DGLUCY: variants seen among roughly 807,000 people sequenced by gnomAD.
The protein encoded by DGLUCY is D-glutamate cyclase, mitochondrial.
DGLUCY carries 58 observed loss-of-function variants against 58.5 expected under a neutral mutation model. The observed-to-expected ratio is 0.99, with a 90% CI of 0.80 to 1.23. The LOEUF is 1.23. Among genes scored for constraint, DGLUCY ranks in the 50% most tolerant of loss-of-function variants. The probability of loss-of-function intolerance (pLI) is 0.00; values close to 1 mark genes in which losing one functional copy is unlikely to be tolerated. For missense variants in DGLUCY, 779 were observed against 784.7 expected (o/e 0.99, Z 0.09); for synonymous variants, 325 against 314.1 (o/e 1.03, Z -0.37).
At chr14:91,209,437 G>A (rs1053863275) in intron 12 of DGLUCY, among the ~76,000 whole-genome samples, 5 of 151,164 alleles carry the variant, frequency 3.3e-5, no homozygotes, top group Non-Finnish European at 5.9e-5. Flanking sequence ...GGCCGCGTGC[G>A]GTGGCTCACG....
intron 1 of DGLUCY, among the ~76,000 whole-genome samples, chr14:91,121,609 A>AAAT (rs55743510): frequency 0.047 from 6,703 of 142,714 alleles, 358 homozygotes; most frequent in African/African-American, 0.13. Flanking sequence ...TCCATCTCAA[A>AAAT]AATAATAATA....
At chr14:91,082,220 G>A (rs540163030) in intron 1 of DGLUCY, among the ~76,000 whole-genome samples, 1 of 152,300 alleles carries the variant, frequency 6.6e-6, no homozygotes, top group African/African-American at 2.4e-5. Flanking sequence ...TTGACTGCAT[G>A]CAACACCCTT....
chr14:91,118,508 A>G (rs1048098171), intron 1 of DGLUCY, among the ~76,000 whole-genome samples: 1 of 152,148 alleles, frequency 6.6e-6, no homozygotes, highest in African/African-American at 2.4e-5. Context: ...TGGTGAAGAA[A>G]CATATTTGGG....
intron 5 of DGLUCY, among the ~76,000 whole-genome samples, chr14:91,172,945 C>T (rs776455663): frequency 2.0e-5 from 3 of 152,154 alleles, no homozygotes; most frequent in Non-Finnish European, 4.4e-5. Flanking sequence ...TGTCTGGCCA[C>T]ATTTTTCTAT....
chr14:91,130,109 TGG>T, intron 1 of DGLUCY, among the ~76,000 whole-genome samples: 1 of 152,340 alleles, frequency 6.6e-6, no homozygotes, highest in South Asian at 2.1e-4. Context: ...TTCCACTCTA[TGG>T]GATAATGCTA....
At chr14:91,155,487 A>G (rs760380282) in intron 1 of DGLUCY, among the ~76,000 whole-genome samples, 2 of 152,222 alleles carry the variant, frequency 1.3e-5, no homozygotes, top group African/African-American at 2.4e-5. Flanking sequence ...ACGTGTTTTT[A>G]TAGGCTAGAG....
intron 1 of DGLUCY, among the ~76,000 whole-genome samples, chr14:91,090,602 A>G (rs1195489214): frequency 6.6e-6 from 1 of 152,172 alleles, no homozygotes; most frequent in Non-Finnish European, 1.5e-5. Context: ...TTAGCAAACT[A>G]AGAGCCACTA....
intron 1 of DGLUCY, among the ~76,000 whole-genome samples, chr14:91,120,178 G>A (rs1351245749): frequency 2.0e-5 from 3 of 152,050 alleles, no homozygotes; most frequent in Non-Finnish European, 4.4e-5. Flanking sequence ...CCTCAGCCAC[G>A]CAAAAGCTGA....
At chr14:91,152,830 G>A (rs1381409884) in intron 1 of DGLUCY, among the ~76,000 whole-genome samples, 1 of 152,174 alleles carries the variant, frequency 6.6e-6, no homozygotes, top group Non-Finnish European at 1.5e-5. Context: ...TAAATAATAG[G>A]ATCTTCTTGA....
intron 9 of DGLUCY, among the ~76,000 whole-genome samples, chr14:91,195,892 A>G (rs953412222): frequency 6.6e-6 from 1 of 151,940 alleles, no homozygotes; most frequent in Non-Finnish European, 1.5e-5. Context: ...GGATGGTCTC[A>G]ATCTCCTGAC....
chr14:91,068,073 GCGCACGCACACA>G (rs1166892189), intron 1 of DGLUCY, among the ~76,000 whole-genome samples: 4 of 59,058 alleles, frequency 6.8e-5, no homozygotes, highest in African/African-American at 2.8e-4. Flanking sequence ...ACACACACAC[GCGCACGCACACA>G]CACACACACA....
intron 1 of DGLUCY, among the ~76,000 whole-genome samples, chr14:91,157,231 GTGGATGGA>G (rs1196165761): frequency 8.4e-5 from 8 of 94,856 alleles, no homozygotes; most frequent in African/African-American, 3.3e-4. Context: ...GGATGGATGG[GTGGATGGA>G]TGGATGGATG....
chr14:91,145,244 T>C (rs1156851667), intron 1 of DGLUCY: 1 of 152,212 alleles, frequency 6.6e-6, no homozygotes, highest in East Asian at 1.9e-4. Flanking sequence ...GGCAAGTGAC[T>C]TGTCCAGAGC....
chr14:91,191,907 G>T (rs1013597502), intron 9 of DGLUCY, among the ~76,000 whole-genome samples: 1 of 152,118 alleles, frequency 6.6e-6, no homozygotes, highest in Non-Finnish European at 1.5e-5. Context: ...TGACATTTGC[G>T]CCCTGATGGA....
intron 13 of DGLUCY, among the ~76,000 whole-genome samples, chr14:91,217,771 A>C (rs1437048262): frequency 6.6e-6 from 1 of 151,996 alleles, no homozygotes; most frequent in Non-Finnish European, 1.5e-5. Context: ...TCCAGGCGTG[A>C]GCCACCACGC....
chr14:91,214,016 G>A (rs1488223905), intron 12 of DGLUCY, among the ~76,000 whole-genome samples: 1 of 120,836 alleles, frequency 8.3e-6, no homozygotes, highest in Non-Finnish European at 1.7e-5. Context: ...GTTTTTGTTT[G>A]TTATTTTTTT....
chr14:91,189,115 T>C lies in DGLUCY; in HGVS notation c.1140T>C (p.Val380=). The C allele has an allele frequency of 6.2e-7, 1 of 1,614,186 alleles. No homozygotes were observed. Among genetic ancestry groups the C allele is most frequent in the Non-Finnish European group, 8.5e-7 (1 of 1,180,034 alleles). ...TGGAGAAGGAGGTCGCCATAATCGT[T>C]GACCAGAGAGCCTGGAACTTGCACC... ...QALEKEVAII[V]DQRAWNLHQK... Residue 380 remains valine, a synonymous_variant, in exon 9 of 14, where the codon GTT becomes GTC. Coordinates refer to ENST00000256324, the MANE Select transcript of DGLUCY (RefSeq NM_001102368.3).
chr14:91,130,057 T>G (rs1195272989), intron 1 of DGLUCY, among the ~76,000 whole-genome samples: 1 of 152,234 alleles, frequency 6.6e-6, no homozygotes, highest in Non-Finnish European at 1.5e-5. Context: ...ATGTACTGTT[T>G]AGAGTGTATA....
intron 7 of DGLUCY, among the ~76,000 whole-genome samples, chr14:91,180,571 CAAAAAAA>C (rs1212639674): frequency 2.3e-5 from 2 of 86,152 alleles, no homozygotes; most frequent in East Asian, 3.5e-4. Flanking sequence ...GACTCCATCT[CAAAAAAA>C]AAAAAAAAAA....
Sources: gnomAD v4.1 joint callset for allele counts (sites outside exome capture counted in the v4.1 genomes callset) on GRCh38, gnomAD v4.1.1 for gene constraint, MANE v1.5 for transcripts, NCBI Gene and HGNC (gene_info 2026-07-23, HGNC 2026-07-21) for gene names.